Variants in USP6 observed in about 807,000 individuals in gnomAD.
USP6 encodes the protein ubiquitin specific peptidase 6.
In USP6, 128 loss-of-function variants were observed where a neutral mutation model predicts 175.7. The observed-to-expected ratio is 0.73, with a 90% CI of 0.63 to 0.84. The LOEUF is 0.84. Among genes scored for constraint, USP6 ranks in the 40% least tolerant of loss-of-function variants. USP6 has a pLI of 0.00. For missense variants in USP6, 1,498 were observed against 1,760.3 expected, an observed-to-expected ratio of 0.85 and a Z score of 2.67; for synonymous variants, 562 against 630.6, an observed-to-expected ratio of 0.89 and a Z score of 1.63.
chr17:5,130,522 G>A (rs1402532496), intron 10 of USP6, 80 bp from the exon 11 acceptor site: 35 of 1,610,204 alleles, frequency 2.2e-5, no homozygotes, highest in South Asian at 2.2e-5. Flanking sequence ...GGAGCACAGG[G>A]CAGGGACGGG....
intron 27 of USP6, 76 bp downstream of exon 27, chr17:5,145,655 T>C: frequency 6.8e-7 from 1 of 1,464,146 alleles, no homozygotes; most frequent in Non-Finnish European, 9.0e-7. Context: ...TTTGTAAGCA[T>C]AGTTATTTGT....
Position 5,148,787 on chromosome 17 carries a change from A to C in USP6, c.2643+20A>C. ...AAAATGGTTAGTTAAATGTTAGGCA[A>C]CTCACTGCCAGTCTTGCTAGTGTCA... On this transcript the variant is annotated intron_variant, in intron 30 of 37. Coordinates refer to ENST00000574788, the MANE Select transcript of USP6 (RefSeq NM_001304284.2). 1.9e-6 allele frequency: 3 copies of C among 1,607,378 alleles called. No individual in the cohort carries two copies. The highest frequency in any genetic ancestry group is 1.7e-6 in the Non-Finnish European group (2 of 1,174,602).
At position 5,142,061 on chromosome 17, in the gene USP6, C is replaced by G; in HGVS notation, c.1632C>G (p.Asn544Lys). 6.2e-7 allele frequency: 1 copy of G among 1,613,890 alleles called. No homozygotes were observed. Among genetic ancestry groups the G allele is most frequent in the Non-Finnish European group, 8.5e-7 (1 of 1,179,848 alleles). The change falls in exon 24 of 38, where the codon AAC becomes AAG. Residue 544 changes from asparagine (N) to lysine (K), a missense_variant. This residue lies in a region of USP6 where 1,217 missense variants were observed against 1,500.8 expected (regional missense o/e 0.81). Transcript: ENST00000574788. ...LSNLGNTCFM[N>K]SSIQCVSNTQ... Reference sequence around the variant, plus strand: ...ACCTGGGAAACACATGCTTCATGAACTCAAGCATCCAGTGCGTTAGTAACA... The same window carrying G: ...ACCTGGGAAACACATGCTTCATGAAGTCAAGCATCCAGTGCGTTAGTAACA...
At chr17:5,157,874 C>T (rs573470247) in intron 31 of USP6, among the ~76,000 whole-genome samples, 1 of 151,094 alleles carries the variant, frequency 6.6e-6, no homozygotes, top group South Asian at 2.1e-4. Context: ...CATGATCCCA[C>T]CTCAGCCTCC....
At chr17:5,167,106 T>C (rs2074111235) in intron 33 of USP6, among the ~76,000 whole-genome samples, 1 of 152,224 alleles carries the variant, frequency 6.6e-6, no homozygotes, top group Non-Finnish European at 1.5e-5. Context: ...CAGATGCAAA[T>C]GAGTTGTACC....
Position 5,124,450 on chromosome 17 carries a change from G to A in USP6, c.-1298-116G>A, listed in dbSNP as rs182972210. 3.3e-5 allele frequency: 5 copies of A among 152,368 alleles called. No homozygotes were observed. In the East Asian group the frequency reaches 9.6e-4, roughly 29 times the overall value. The allele number at this position is 152,368 out of a possible 1,614,324, so 9.4% of individuals were successfully genotyped here. ...GCTTGGACAGGTCTGTCCCCAGAAA[G>A]CCCTGGGCATGGATGGATTCCTGTC... On this transcript the variant is annotated intron_variant, in intron 4 of 37. Transcript: ENST00000574788.
In USP6 at chr17:5,130,432, A is replaced by G. The variant is rs368977168; in HGVS notation, c.65A>G (p.Tyr22Cys). 8 of 1,614,174 alleles carry G rather than the reference A, an allele frequency of 5.0e-6. No homozygotes were observed. The highest frequency in any genetic ancestry group is 1.7e-4 in the Middle Eastern group (1 of 6,060). ...AQERKDILMK[Y>C]DKGHRAGLPE... ...GAGCGGAAGGACATACTTATGAAGT[A>G]TGACAAGGTACAGTTCGGTCTGCTC... Residue 22 changes from tyrosine (Y) to cysteine (C), a missense_variant, in exon 10 of 38, where the codon TAT (tyrosine) becomes TGT (cysteine). By Grantham distance (194) the Tyr-to-Cys change is radical. Around this residue, in one of 2 missense-constraint regions of USP6, gnomAD observed 281 missense variants for 259.6 expected, o/e 1.08. Coordinates refer to ENST00000574788, the MANE Select transcript of USP6 (RefSeq NM_001304284.2).
intron 4 of USP6, among the ~76,000 whole-genome samples, chr17:5,122,666 C>T (rs901073177): frequency 3.3e-4 from 50 of 152,300 alleles, no homozygotes; most frequent in African/African-American, 1.1e-3. Context: ...GACACAGCTC[C>T]GCCCTTCCCG....
In USP6 at chr17:5,137,085, C is replaced by G. The variant is rs370742628; in HGVS notation, c.760-36C>G. ...GGAAGATGGAGGTTTTTAGGGCAGCCCAGGGGGCCCTGAGCACCTCTGTTC... is the reference window on the plus strand; with the variant it reads ...GGAAGATGGAGGTTTTTAGGGCAGCGCAGGGGGCCCTGAGCACCTCTGTTC... On this transcript the variant is annotated intron_variant, in intron 18 of 37. Transcript: ENST00000574788. The G allele has an allele frequency of 4.8e-4, 764 of 1,607,342 alleles. 1 individual carries two copies. Among genetic ancestry groups the G allele is most frequent in the Admixed American group, 6.8e-4 (41 of 59,938 alleles).
intron 29 of USP6, among the ~76,000 whole-genome samples, chr17:5,147,529 A>C (rs554537707): frequency 6.6e-6 from 1 of 152,334 alleles, no homozygotes; most frequent in African/African-American, 2.4e-5. Flanking sequence ...AAAGAAATCC[A>C]ATATTATATG....
intron 4 of USP6, among the ~76,000 whole-genome samples, chr17:5,123,929 A>G (rs1316084933): frequency 2.0e-5 from 3 of 151,976 alleles, no homozygotes; most frequent in African/African-American, 7.3e-5. Context: ...GCACACACAC[A>G]CACACACACG....
At chr17:5,164,975 T>C (rs1485471980) in intron 33 of USP6, among the ~76,000 whole-genome samples, 1 of 152,230 alleles carries the variant, frequency 6.6e-6, no homozygotes, top group African/African-American at 2.4e-5. Flanking sequence ...AGAGGAATGG[T>C]TAAATAAAGC....
intron 31 of USP6, among the ~76,000 whole-genome samples, chr17:5,156,236 G>C (rs555361202): frequency 6.6e-6 from 1 of 151,524 alleles, no homozygotes; most frequent in South Asian, 2.1e-4. Context: ...CATTTACTCT[G>C]AATAATTTTT....
At chr17:5,155,006 G>C (rs2073850880) in intron 30 of USP6, among the ~76,000 whole-genome samples, 1 of 152,214 alleles carries the variant, frequency 6.6e-6, no homozygotes, top group Non-Finnish European at 1.5e-5. Context: ...AAAGTGCTGG[G>C]ATTACAGGCG....
Position 5,168,907 on chromosome 17 carries a change from C to T in USP6, c.3369C>T (p.Leu1123=), listed in dbSNP as rs752270524. 8 of 1,613,974 alleles carry T rather than the reference C, an allele frequency of 5.0e-6. No homozygotes were observed. The South Asian group carries it at 7.7e-5, about 16-fold the overall frequency. ...CGGCCCTCTGCCAGCATAAACCACT[C>T]ACACCCCAGGGGGATGAGCTCTCCA... The part of the protein sequence containing the change: ...RDPALCQHKP[L]TPQGDELSKP... Residue 1123 remains leucine, a synonymous_variant, in exon 35 of 38, where the codon CTC becomes CTT. Transcript: ENST00000574788.
intron 18 of USP6, 63 bp from the exon 19 acceptor site, chr17:5,137,058 C>T (rs2073276231): frequency 6.4e-7 from 1 of 1,555,162 alleles, no homozygotes; most frequent in East Asian, 2.2e-5. Flanking sequence ...TTCAGAGGCC[C>T]TGGAAGATGG....
intron 30 of USP6, 23 bp from the exon 31 acceptor site, chr17:5,155,399 T>A: frequency 6.2e-7 from 1 of 1,610,122 alleles, no homozygotes; most frequent in South Asian, 1.1e-5. Context: ...TTCTCAACTC[T>A]CTATTCTCGT....
In USP6 at chr17:5,125,081, T is replaced by G. The variant is rs2072844637; in HGVS notation, c.-783T>G. 1.3e-5 allele frequency: 2 copies of G among 152,244 alleles called. No individual in the cohort carries two copies. Among genetic ancestry groups the G allele is most frequent in the Non-Finnish European group, 2.9e-5 (2 of 68,086 alleles). The allele number at this position is 152,244 out of a possible 1,614,324, so 9.4% of individuals were successfully genotyped here. ...ATTACCGCATGAGCTCTGCCTCCTG[T>G]CAGATGAGCGGTGCCGTTAGATTCT... On this transcript the variant is annotated 5_prime_UTR_variant, in exon 5 of 38. Transcript: ENST00000574788.
intron 6 of USP6, chr17:5,126,660 A>C: frequency 6.7e-6 from 1 of 150,224 alleles, no homozygotes; most frequent in Non-Finnish European, 1.5e-5. Context: ...CCTCTCTCTC[A>C]TTCCCTTCTC....
Sources: gnomAD v4.1 joint callset for allele counts (sites outside exome capture counted in the v4.1 genomes callset) on GRCh38, gnomAD v4.1.1 for gene constraint, gnomAD v4.1.1 regional missense constraint, MANE v1.5 for transcripts, NCBI Gene and HGNC (gene_info 2026-07-23, HGNC 2026-07-21) for gene names.